LRRC27: variants seen among roughly 807,000 people sequenced by gnomAD.
LRRC27 encodes the protein leucine-rich repeat-containing protein 27.
Under a neutral mutation model 55.0 loss-of-function variants are expected in LRRC27, and 57 were observed. That is an observed-to-expected ratio of 1.04 (90% CI 0.84 to 1.29). LRRC27 has a LOEUF of 1.29. LRRC27 is among the 50% of genes most tolerant of loss of function. The pLI, the probability that LRRC27 is intolerant of heterozygous loss-of-function variation, is 0.00. For missense variants in LRRC27, 721 were observed against 651.5 expected, an observed-to-expected ratio of 1.11 and a Z score of -1.16; for synonymous variants, 278 against 251.9, an observed-to-expected ratio of 1.10 and a Z score of -0.98.
At chr10:132,331,910 AC>A, upstream of LRRC27, 1 of 793,294 alleles carries the variant, frequency 1.3e-6, no homozygotes, top group Non-Finnish European at 1.8e-6. Context: ...GCGCAGGCGC[AC>A]CACAACCCCC....
chr10:132,355,257 A>G (rs2068254447), intron 7 of LRRC27, among the ~76,000 whole-genome samples: 1 of 152,074 alleles, frequency 6.6e-6, no homozygotes, highest in Non-Finnish European at 1.5e-5. Context: ...TTGTATTTTT[A>G]GTAGAGATGG....
At chr10:132,364,160 AG>A (rs1431376308) in intron 9 of LRRC27, among the ~76,000 whole-genome samples, 3 of 151,996 alleles carry the variant, frequency 2.0e-5, no homozygotes, top group Non-Finnish European at 4.4e-5. Flanking sequence ...AGAACTCCAG[AG>A]GACATCATGC....
chr10:132,331,588 A>G, upstream of LRRC27: 5 of 1,612,872 alleles, frequency 3.1e-6, no homozygotes, highest in South Asian at 1.1e-5. Context: ...AAGCCCCAGG[A>G]GAGACGCGGG....
intron 9 of LRRC27, among the ~76,000 whole-genome samples, chr10:132,362,533 G>A (rs1157918845): frequency 6.6e-6 from 1 of 152,126 alleles, no homozygotes; most frequent in African/African-American, 2.4e-5. Context: ...TGGTCCCTGG[G>A]TGGGTCCCTG....
At position 132,372,931 on chromosome 10, in the gene LRRC27, G is replaced by A. The variant is rs527565693; in HGVS notation, c.1417-2135G>A. On this transcript the variant is annotated intron_variant, in intron 10 of 10. Transcript: ENST00000368614. This position sits in a 1 kb window ranked among gnomAD's most constrained non-coding sequence, Gnocchi z 4.0. ...AGCCTCGTTCCAGGGCCTCAGTCAC[G>A]AGAGGTTCCTCAGCTGTTGAGGGAA... is the stretch of plus-strand genomic sequence containing the variant. Among the ~76,000 whole-genome samples the A allele has an allele frequency of 2.6e-5, 4 of 152,246 alleles. No homozygotes were observed. The highest frequency in any genetic ancestry group is 1.9e-4 in the East Asian group (1 of 5,166).
intron 6 of LRRC27, chr10:132,349,125 T>C (rs1348896371): frequency 4.7e-6 from 5 of 1,070,426 alleles, no homozygotes; most frequent in Admixed American, 2.0e-5. Flanking sequence ...TGTAAACATC[T>C]AGAGAGAGAA....
chr10:132,360,177 C>T (rs1345970173), intron 8 of LRRC27, among the ~76,000 whole-genome samples: 1 of 152,206 alleles, frequency 6.6e-6, no homozygotes, highest in African/African-American at 2.4e-5. Flanking sequence ...CTCACTGCAA[C>T]CTCTGCCTCC....
At chr10:132,364,472 T>TTACATCTACCTCCACACCCACACTC (rs2068867413) in intron 9 of LRRC27, among the ~76,000 whole-genome samples, 2 of 62,196 alleles carry the variant, frequency 3.2e-5, no homozygotes, top group African/African-American at 1.7e-4. Context: ...CACCCACACT[T>TTACATCTACCTCCACACCCACACTC]ACACCCACCC....
chr10:132,342,134 A>G, intron 3 of LRRC27, 79 bp from the exon 4 acceptor site: 1 of 896,230 alleles, frequency 1.1e-6, no homozygotes, highest in South Asian at 1.6e-5. Context: ...AAGAAAAATG[A>G]AGAAACTTGA....
chr10:132,337,136 C>A, intron 2 of LRRC27: 3 of 1,199,854 alleles, frequency 2.5e-6, no homozygotes, highest in Non-Finnish European at 3.1e-6. Flanking sequence ...TGGGCTGAGT[C>A]CCCCAGACCA....
At chr10:132,369,236 C>T (rs1422597147) in intron 10 of LRRC27, among the ~76,000 whole-genome samples, 1 of 152,348 alleles carries the variant, frequency 6.6e-6, no homozygotes, top group Admixed American at 6.5e-5. Context: ...TAATCACACT[C>T]TCATCATACA....
intron 9 of LRRC27, among the ~76,000 whole-genome samples, chr10:132,364,392 C>CA (rs1564853091): frequency 2.6e-5 from 3 of 116,916 alleles, no homozygotes; most frequent in Admixed American, 8.3e-5. Flanking sequence ...CTTACACCCA[C>CA]CCTTACATCT....
intron 10 of LRRC27, among the ~76,000 whole-genome samples, chr10:132,370,060 A>G (rs548697672): frequency 3.2e-4 from 49 of 152,276 alleles, no homozygotes; most frequent in Non-Finnish European, 4.9e-4. Flanking sequence ...AGGTGCCACA[A>G]CTGGCCCTAC....
chr10:132,374,941 C>A lies in LRRC27; in HGVS notation c.1417-125C>A. 1 of 1,055,068 alleles carries A rather than the reference C, an allele frequency of 9.5e-7. No homozygotes were observed. Among genetic ancestry groups the A allele is most frequent in the Non-Finnish European group, 1.4e-6 (1 of 735,622 alleles). 65.4% of individuals were successfully genotyped at this position (1,055,068 alleles called of 1,614,324 possible). A position where few individuals can be genotyped will look rare whatever the true frequency, so the allele number is the denominator to read the frequency against. Reference sequence around the variant, plus strand: ...GATGCGGCTTGCAGGGGCCCCGGGGCAGCGGGGCTGGCTCTGCTGACGCCC... The same window carrying A: ...GATGCGGCTTGCAGGGGCCCCGGGGAAGCGGGGCTGGCTCTGCTGACGCCC... On this transcript the variant is annotated intron_variant, in intron 10 of 10. Coordinates refer to ENST00000368614, the MANE Select transcript of LRRC27 (RefSeq NM_030626.3). This position sits in a 1 kb window ranked among gnomAD's most constrained non-coding sequence, Gnocchi z 4.4.
upstream of LRRC27, chr10:132,331,603 G>C (rs1358263264): frequency 6.2e-7 from 1 of 1,612,892 alleles, no homozygotes; most frequent in Admixed American, 1.7e-5. Context: ...CGCGGGGAGT[G>C]AGCCCAGCGG....
intron 10 of LRRC27, among the ~76,000 whole-genome samples, chr10:132,367,419 A>G (rs1418686588): frequency 6.6e-6 from 1 of 152,254 alleles, no homozygotes. Context: ...CATTACTCTA[A>G]TACCAAAACC....
intron 1 of LRRC27, among the ~76,000 whole-genome samples, chr10:132,332,697 G>T (rs1163530154): frequency 6.6e-6 from 1 of 151,970 alleles, no homozygotes; most frequent in Admixed American, 6.5e-5. Flanking sequence ...GCTGCCTGGG[G>T]TTGAACCCTG....
At chr10:132,351,432 G>A (rs558716076) in intron 6 of LRRC27, 175 bp from the exon 7 acceptor site, 40 of 711,170 alleles carry the variant, frequency 5.6e-5, no homozygotes, top group African/African-American at 5.5e-4. Flanking sequence ...TCTTCATTAC[G>A]TGTCCTGAAA....
chr10:132,358,115 A>G (rs1049578705), intron 8 of LRRC27, among the ~76,000 whole-genome samples: 8 of 152,378 alleles, frequency 5.3e-5, no homozygotes, highest in South Asian at 4.1e-4. Flanking sequence ...TATACAAAGA[A>G]TGGCTACTAA....
Sources: allele counts gnomAD v4.1 joint callset (sites outside exome capture counted in the v4.1 genomes callset), GRCh38; gene constraint gnomAD v4.1.1; non-coding constraint Gnocchi (gnomAD v3.1); transcripts MANE v1.5; gene names NCBI Gene and HGNC (gene_info 2026-07-23, HGNC 2026-07-21).